Variants in MBOAT1 observed in about 807,000 individuals in gnomAD.
MBOAT1 encodes membrane-bound glycerophospholipid O-acyltransferase 1.
Under a neutral mutation model 64.4 loss-of-function variants are expected in MBOAT1, and 67 were observed. That is an observed-to-expected ratio of 1.04 (90% CI 0.85 to 1.27). MBOAT1 has a LOEUF of 1.27. Among genes scored for constraint, MBOAT1 ranks in the 50% most tolerant of loss-of-function variants. The pLI, the probability that MBOAT1 is intolerant of heterozygous loss-of-function variation, is 0.00. For synonymous variants in MBOAT1, 229 were observed against 218.9 expected, an observed-to-expected ratio of 1.05 and a Z score of -0.41; for missense variants, 563 against 604.6, an observed-to-expected ratio of 0.93 and a Z score of 0.72.
intron 1 of MBOAT1, among the ~76,000 whole-genome samples, chr6:20,174,251 G>A (rs1762279899): frequency 6.6e-6 from 1 of 152,114 alleles, no homozygotes; most frequent in African/African-American, 2.4e-5. Flanking sequence ...GCTTAACAAT[G>A]GGAATACGTT....
intron 1 of MBOAT1, 132 bp from the exon 2 acceptor site, chr6:20,152,901 C>T (rs933862946): frequency 4.5e-5 from 41 of 909,278 alleles, no homozygotes; most frequent in Non-Finnish European, 6.4e-5. Context: ...GGCGCAAACT[C>T]GGCTCACTGC....
At chr6:20,195,668 T>C (rs576770863) in intron 1 of MBOAT1, among the ~76,000 whole-genome samples, 1 of 152,276 alleles carries the variant, frequency 6.6e-6, no homozygotes, top group South Asian at 2.1e-4. Flanking sequence ...TACACAGATC[T>C]ATAAATATGT....
At position 20,109,620 on chromosome 6, in the gene MBOAT1, C is replaced by A; in HGVS notation, c.1339G>T (p.Glu447Ter). The A allele has an allele frequency of 1.2e-6, 2 of 1,613,510 alleles. No homozygotes were observed. The highest frequency in any genetic ancestry group is 1.7e-6 in the Non-Finnish European group (2 of 1,179,640). ...TACTTGTATAAGCTGATGGTCGGTT[C>A]AACTGCCAACATCACAAAGGGTGCT... is the stretch of plus-strand genomic sequence containing the variant. ...TVAPFVMLAVEPTISLYKSMY... is the reference protein window; with the variant it reads ...TVAPFVMLAV The change falls in exon 12 of 13, where the codon GAA becomes TAA. Residue 447 changes from glutamate (E) to a stop codon, truncating the protein, a stop_gained. Coordinates refer to ENST00000324607, the MANE Select transcript of MBOAT1 (RefSeq NM_001080480.3). LOFTEE classifies it high-confidence loss of function.
At chr6:20,167,364 C>T (rs541518603) in intron 1 of MBOAT1, among the ~76,000 whole-genome samples, 103 of 152,300 alleles carry the variant, frequency 6.8e-4, no homozygotes, top group African/African-American at 2.4e-3. Flanking sequence ...CAATGTTTTA[C>T]TTCCCCCAGT....
chr6:20,206,118 G>T (rs1260392146), intron 1 of MBOAT1, among the ~76,000 whole-genome samples: 1 of 151,614 alleles, frequency 6.6e-6, no homozygotes, highest in African/African-American at 2.4e-5. Flanking sequence ...CAAAGCCAAG[G>T]TCAGAAGCAG....
intron 1 of MBOAT1, among the ~76,000 whole-genome samples, chr6:20,175,806 G>T (rs1460324047): frequency 6.6e-6 from 1 of 151,730 alleles, no homozygotes; most frequent in Non-Finnish European, 1.5e-5. Context: ...ATCTCACTAA[G>T]TTTCGTAGGC....
intron 4 of MBOAT1, among the ~76,000 whole-genome samples, chr6:20,132,183 G>C (rs1229061988): frequency 6.6e-6 from 1 of 152,106 alleles, no homozygotes; most frequent in African/African-American, 2.4e-5. Flanking sequence ...GCCCACCTAA[G>C]AATCTGCATT....
chr6:20,126,047 C>G, intron 7 of MBOAT1: 1 of 288,520 alleles, frequency 3.5e-6, no homozygotes, highest in Non-Finnish European at 6.7e-6. Flanking sequence ...TAAATTCTCT[C>G]AAGGTCAACA....
chr6:20,159,415 T>C (rs761337296), intron 1 of MBOAT1, among the ~76,000 whole-genome samples: 18 of 152,120 alleles, frequency 1.2e-4, no homozygotes, highest in Non-Finnish European at 1.8e-4. Flanking sequence ...TTTTAAAATG[T>C]AGTATAGATG....
chr6:20,143,161 G>C (rs1008296343), intron 4 of MBOAT1, among the ~76,000 whole-genome samples: 1 of 152,156 alleles, frequency 6.6e-6, no homozygotes, highest in Non-Finnish European at 1.5e-5. Context: ...CTAAACTCCC[G>C]GGAAGTAACG....
chr6:20,199,519 A>G (rs1763059611), intron 1 of MBOAT1, among the ~76,000 whole-genome samples: 1 of 152,208 alleles, frequency 6.6e-6, no homozygotes, highest in Admixed American at 6.5e-5. Flanking sequence ...CAAACAAACA[A>G]AAAACTTAGT....
intron 1 of MBOAT1, among the ~76,000 whole-genome samples, chr6:20,199,378 A>G (rs928865831): frequency 6.6e-6 from 1 of 152,224 alleles, no homozygotes; most frequent in African/African-American, 2.4e-5. Flanking sequence ...ATATATTTCT[A>G]AAGACACTCT....
intron 5 of MBOAT1, among the ~76,000 whole-genome samples, chr6:20,129,795 C>A (rs763846255): frequency 2.6e-5 from 4 of 152,122 alleles, no homozygotes; most frequent in Non-Finnish European, 5.9e-5. Context: ...TGTCTATAAC[C>A]ACTACCAAGG....
intron 1 of MBOAT1, among the ~76,000 whole-genome samples, chr6:20,210,966 A>T (rs1191680336): frequency 6.6e-6 from 1 of 152,120 alleles, no homozygotes; most frequent in Non-Finnish European, 1.5e-5. Flanking sequence ...TCTCATCCTC[A>T]CCAGAAACTA....
chr6:20,135,213 T>C (rs1376724709), intron 4 of MBOAT1, among the ~76,000 whole-genome samples: 1 of 152,148 alleles, frequency 6.6e-6, no homozygotes, highest in African/African-American at 2.4e-5. Flanking sequence ...ATACATTTTT[T>C]TCATTATTAA....
Position 20,109,732 on chromosome 6 carries a change from T to G in MBOAT1, c.1227A>C (p.Arg409Ser). 6.2e-7 allele frequency: 1 copy of G among 1,613,718 alleles called. No homozygotes were observed. The highest frequency in any genetic ancestry group is 1.1e-5 in the South Asian group (1 of 91,058). Residue 409 changes from arginine (R) to serine (S), a missense_variant, in exon 12 of 13, where the codon AGA (arginine) becomes AGC (serine). Physicochemically the swap from Arg to Ser is moderately radical, Grantham distance 110. Transcript: ENST00000324607. ...GAGCTCTTGAAGAAAGGAAGTAATG[T>G]CTGTAGTTGTTCCTGACCTGCAGGC... ...LAARAVRNNY[R>S]HYFLSSRALK... is the part of the protein sequence containing the mutation.
chr6:20,207,887 CTTACA>C (rs1460537402), intron 1 of MBOAT1, among the ~76,000 whole-genome samples: 1 of 152,238 alleles, frequency 6.6e-6, no homozygotes, highest in Non-Finnish European at 1.5e-5. Flanking sequence ...AGCCTATATA[CTTACA>C]TGGGCCTTTT....
In MBOAT1 at chr6:20,102,221, G is replaced by GA; in HGVS notation, c.*64dup. Reference sequence around the variant, plus strand: ...CCTCTAAGCCACCGGAGGAGCCCTTGAAGCCTTGTCATCTCATCTTTCGAA... The same window carrying GA: ...CCTCTAAGCCACCGGAGGAGCCCTTGAAAGCCTTGTCATCTCATCTTTCGAA... On this transcript the variant is annotated 3_prime_UTR_variant, in exon 13 of 13. Transcript: ENST00000324607. 1 of 1,536,652 alleles carries GA rather than the reference G, an allele frequency of 6.5e-7. No homozygotes were observed. Among genetic ancestry groups the GA allele is most frequent in the East Asian group, 2.4e-5 (1 of 41,366 alleles).
In MBOAT1 at chr6:20,127,135, T is replaced by C. The variant is rs1006087902; in HGVS notation, c.531-435A>G. Among the ~76,000 whole-genome samples the C allele has an allele frequency of 1.2e-4, 18 of 151,992 alleles. No homozygotes were observed. In the East Asian group the frequency reaches 2.7e-3, roughly 23 times the overall value. On this transcript the variant is annotated intron_variant, in intron 6 of 12. Transcript: ENST00000324607. The stretch of plus-strand genomic sequence containing the variant: ...ATTGCCAACATAAATACAAAACAAA[T>C]GATGGGTGGAACCAGTTTCCACTGA...
Sources: gnomAD v4.1 joint callset for allele counts (sites outside exome capture counted in the v4.1 genomes callset) on GRCh38, gnomAD v4.1.1 for gene constraint, MANE v1.5 for transcripts, NCBI Gene and HGNC (gene_info 2026-07-23, HGNC 2026-07-21) for gene names.